The following PPP2CA variants were observed in gnomAD, a reference collection of about 807,000 sequenced individuals.
PPP2CA encodes the protein protein phosphatase 2 catalytic subunit alpha.
In PPP2CA, 5 loss-of-function variants were observed where a neutral mutation model predicts 38.8. The observed-to-expected ratio is 0.13, with a 90% confidence interval of 0.07 to 0.27. The LOEUF is 0.27. PPP2CA is among the 10% of genes least tolerant of loss of function. The pLI is 1.00. For missense variants in PPP2CA, 88 were observed against 389.7 expected, an observed-to-expected ratio of 0.23 and a Z score of 6.52; for synonymous variants, 152 against 134.0, an observed-to-expected ratio of 1.13 and a Z score of -0.93.
At chr5:134,204,837 T>C (rs1458651974) in intron 2 of PPP2CA, among the ~76,000 whole-genome samples, 1 of 152,190 alleles carries the variant, frequency 6.6e-6, no homozygotes, top group African/African-American at 2.4e-5. Context: ...ACATACATAA[T>C]GTATGTAATG....
At chr5:134,223,327 T>C (rs1013173010) in intron 1 of PPP2CA, among the ~76,000 whole-genome samples, 4 of 152,228 alleles carry the variant, frequency 2.6e-5, no homozygotes, top group African/African-American at 9.6e-5. Context: ...AAGACAGCTT[T>C]TGTTTTACTA....
intron 1 of PPP2CA, among the ~76,000 whole-genome samples, chr5:134,209,004 T>C (rs1178529712): frequency 1.3e-5 from 2 of 152,148 alleles, no homozygotes; most frequent in Non-Finnish European, 2.9e-5. Flanking sequence ...TCTGTATACA[T>C]ATGCAGGCAC....
chr5:134,221,582 C>T (rs959399904), intron 1 of PPP2CA, among the ~76,000 whole-genome samples: 1 of 152,120 alleles, frequency 6.6e-6, no homozygotes, highest in African/African-American at 2.4e-5. Flanking sequence ...ATGTTGTCAG[C>T]TACATCCAAA....
At chr5:134,225,363 C>G in intron 1 of PPP2CA, 1 of 187,498 alleles carries the variant, frequency 5.3e-6, no homozygotes, top group South Asian at 8.6e-5. Flanking sequence ...GGCCTGGGTA[C>G]CAGCGGCAAG....
intron 1 of PPP2CA, among the ~76,000 whole-genome samples, chr5:134,221,277 A>C (rs908433892): frequency 2.6e-5 from 4 of 151,946 alleles, no homozygotes; most frequent in Admixed American, 6.6e-5. Context: ...ACGCCCGGCT[A>C]ATTTTTTGTA....
intron 1 of PPP2CA, among the ~76,000 whole-genome samples, chr5:134,209,126 C>T (rs1311988321): frequency 6.6e-6 from 1 of 152,142 alleles, no homozygotes; most frequent in African/African-American, 2.4e-5. Flanking sequence ...ACAGTTAACT[C>T]TTAAGTGAAA....
intron 1 of PPP2CA, among the ~76,000 whole-genome samples, chr5:134,212,044 T>C (rs1242274520): frequency 2.0e-5 from 3 of 152,044 alleles, no homozygotes; most frequent in Admixed American, 6.5e-5. Flanking sequence ...CACTTGAACC[T>C]GGGAGGCGAG....
At chr5:134,215,960 A>T (rs1762311379) in intron 1 of PPP2CA, among the ~76,000 whole-genome samples, 1 of 152,248 alleles carries the variant, frequency 6.6e-6, no homozygotes, top group Non-Finnish European at 1.5e-5. Flanking sequence ...AGCTGAGAGC[A>T]GCAAGTGGCT....
rs1226816059 is a variant in PPP2CA at position 134,197,514 on chromosome 5, A to C, written c.*258T>G. The C allele has an allele frequency of 2.1e-6, 1 of 473,950 alleles. No individual in the cohort carries two copies. Among genetic ancestry groups the C allele is most frequent in the Non-Finnish European group, 3.8e-6 (1 of 261,290 alleles). 29.4% of individuals were successfully genotyped at this position (473,950 alleles called of 1,614,324 possible). A position where few individuals can be genotyped will look rare whatever the true frequency, so the allele number is the denominator to read the frequency against. On this transcript the variant is annotated 3_prime_UTR_variant, in exon 7 of 7. Transcript: ENST00000481195. ...TCTCAGAGAAAGCAAAAGTAACTAC[A>C]AATAGCGCTATGCCAGAAACTGGTT...
chr5:134,212,453 C>T (rs929436152), intron 1 of PPP2CA, among the ~76,000 whole-genome samples: 27 of 152,260 alleles, frequency 1.8e-4, no homozygotes, highest in African/African-American at 6.5e-4. Context: ...TAATAAATGT[C>T]GTATATATTC....
chr5:134,219,465 G>GACAAAGGTTGCAA lies in PPP2CA; in HGVS notation c.102+6294_102+6295insTTGCAACCTTTGT, dbSNP rs1225002245. Among the ~76,000 whole-genome samples, 131 of 152,168 alleles carry GACAAAGGTTGCAA rather than the reference G, an allele frequency of 8.6e-4. 1 individual carries two copies. Among genetic ancestry groups the GACAAAGGTTGCAA allele is most frequent in the Non-Finnish European group, 2.5e-4 (17 of 68,026 alleles). On this transcript the variant is annotated intron_variant, in intron 1 of 6. Transcript: ENST00000481195. Reference sequence around the variant, plus strand: ...CATTCTACTCCTCGTCCCCATCTAGGACAAAGGTTTGCAACCTTCCAGCCT... The same window carrying GACAAAGGTTGCAA: ...CATTCTACTCCTCGTCCCCATCTAGGACAAAGGTTGCAAACAAAGGTTTGCAACCTTCCAGCCT...
chr5:134,202,230 TCCCTCTA>T (rs1394904088), intron 2 of PPP2CA: 20 of 470,304 alleles, frequency 4.3e-5, no homozygotes, highest in Non-Finnish European at 7.0e-5. Flanking sequence ...AAAATCAAAC[TCCCTCTA>T]CCACCAACTT....
chr5:134,209,181 C>T (rs1762146838), intron 1 of PPP2CA, among the ~76,000 whole-genome samples: 2 of 152,120 alleles, frequency 1.3e-5, no homozygotes, highest in African/African-American at 4.8e-5. Flanking sequence ...GCTCTTTCTT[C>T]CCTTCCTACC....
At chr5:134,203,882 A>T (rs948968636) in intron 2 of PPP2CA, among the ~76,000 whole-genome samples, 3 of 152,056 alleles carry the variant, frequency 2.0e-5, no homozygotes, top group African/African-American at 7.2e-5. Flanking sequence ...GTCTGGCTAA[A>T]ATTGTTTTCT....
intron 1 of PPP2CA, 110 bp downstream of exon 1, chr5:134,225,650 T>G: frequency 1.1e-6 from 1 of 943,660 alleles, no homozygotes; most frequent in Non-Finnish European, 1.5e-6. Flanking sequence ...TCTCGGAGAC[T>G]CGGGGGGCCC....
Position 134,226,021 on chromosome 5 carries a change from G to A in PPP2CA, c.-160C>T, listed in dbSNP as rs1026631899. On this transcript the variant is annotated 5_prime_UTR_variant, in exon 1 of 7. Coordinates refer to ENST00000481195, the MANE Select transcript of PPP2CA (RefSeq NM_002715.4). ...GCTCTCACCGCAGTACTCGGCCGTC[G>A]GCCGCTGCGCCTCCTCCTCCGCTCG... 32 of 574,674 alleles carry A rather than the reference G, an allele frequency of 5.6e-5. No homozygotes were observed. Among genetic ancestry groups the A allele is most frequent in the African/African-American group, 5.2e-4 (26 of 50,036 alleles). 35.6% of individuals were successfully genotyped at this position (574,674 alleles called of 1,614,324 possible). A position where few individuals can be genotyped will look rare whatever the true frequency, so the allele number is the denominator to read the frequency against.
chr5:134,211,963 CA>C (rs971500515), intron 1 of PPP2CA, among the ~76,000 whole-genome samples: 32 of 151,982 alleles, frequency 2.1e-4, no homozygotes, highest in African/African-American at 7.7e-4. Context: ...ACTAAAAATA[CA>C]AAAAAATTAG....
At chr5:134,221,194 C>T (rs1762435348) in intron 1 of PPP2CA, among the ~76,000 whole-genome samples, 1 of 152,170 alleles carries the variant, frequency 6.6e-6, no homozygotes, top group Non-Finnish European at 1.5e-5. Context: ...TCACTGCAAC[C>T]TCCGCCTCCC....
At position 134,196,493 on chromosome 5, in the gene PPP2CA, CAAT is replaced by C. The variant is rs1246906038; in HGVS notation, c.*1276_*1278del. On this transcript the variant is annotated 3_prime_UTR_variant, in exon 7 of 7. Transcript: ENST00000481195. ...TACATAAGACTAAATCATGATCCAACAATAGTTTTCTATTTGGTTTCACTAGTA... is the reference window on the plus strand; with the variant it reads ...TACATAAGACTAAATCATGATCCAACAGTTTTCTATTTGGTTTCACTAGTA... The C allele has an allele frequency of 6.6e-6, 1 of 152,186 alleles. No homozygotes were observed. The highest frequency in any genetic ancestry group is 2.4e-5 in the African/African-American group (1 of 41,450). 9.4% of individuals were successfully genotyped at this position (152,186 alleles called of 1,614,324 possible). A position where few individuals can be genotyped will look rare whatever the true frequency, so the allele number is the denominator to read the frequency against.
Sources: gnomAD v4.1 joint callset for allele counts (sites outside exome capture counted in the v4.1 genomes callset) on GRCh38, gnomAD v4.1.1 for gene constraint, MANE v1.5 for transcripts, NCBI Gene and HGNC (gene_info 2026-07-23, HGNC 2026-07-21) for gene names.